The following TRMT10A variants were observed in gnomAD, a reference collection of about 807,000 sequenced individuals.
The protein encoded by TRMT10A is tRNA methyltransferase 10A, also known as tRNA methyltransferase 10 homolog A.
In TRMT10A, 37 loss-of-function variants were observed where a neutral mutation model predicts 40.4. The observed-to-expected ratio is 0.92, with a 90% CI of 0.71 to 1.21. The LOEUF (loss-of-function observed/expected upper bound fraction) is 1.21. TRMT10A is among the 50% of genes most tolerant of loss of function. The probability of loss-of-function intolerance (pLI) is 0.00; values close to 1 mark genes in which losing one functional copy is unlikely to be tolerated. For missense variants in TRMT10A, 388 were observed against 404.3 expected, an observed-to-expected ratio of 0.96 and a Z score of 0.35; for synonymous variants, 103 against 134.1, an observed-to-expected ratio of 0.77 and a Z score of 1.60.
At position 99,548,072 on chromosome 4, in the gene TRMT10A, TTCACACA is replaced by T. The variant is rs1290024190; in HGVS notation, c.*1009_*1015del. On this transcript the variant is annotated 3_prime_UTR_variant, in exon 8 of 8. Coordinates refer to ENST00000394876, the MANE Select transcript of TRMT10A (RefSeq NM_001134665.3). ...GTTCTTAGCGTGTTCAACACAACCA[TTCACACA>T]AGTAATACAGATATATGGCAATTCA... 6.6e-6 allele frequency: 1 copy of T among 152,124 alleles called. No individual in the cohort carries two copies. Among genetic ancestry groups the T allele is most frequent in the African/African-American group, 2.4e-5 (1 of 41,438 alleles). The allele number at this position is 152,124 out of a possible 1,614,324, so 9.4% of individuals were successfully genotyped here.
chr4:99,549,485 CT>C (rs1423626140), intron 7 of TRMT10A, 129 bp from the exon 8 acceptor site: 1 of 1,233,700 alleles, frequency 8.1e-7, no homozygotes, highest in African/African-American at 1.5e-5. Context: ...GTTCTTAGCT[CT>C]TCTTTCTATT....
At chr4:99,561,314 A>AC (rs1724384330) in intron 1 of TRMT10A, among the ~76,000 whole-genome samples, 1 of 152,122 alleles carries the variant, frequency 6.6e-6, no homozygotes, top group African/African-American at 2.4e-5. Flanking sequence ...GGTCATGTAC[A>AC]CCAGGGGGAG....
intron 6 of TRMT10A, among the ~76,000 whole-genome samples, 198 bp downstream of exon 6, chr4:99,553,587 T>C (rs1252312874): frequency 2.0e-5 from 3 of 152,172 alleles, no homozygotes; most frequent in Non-Finnish European, 1.5e-5. Flanking sequence ...TAAATAATAA[T>C]AGCACTAATC....
In TRMT10A at chr4:99,563,126, T is replaced by C. The variant is rs532433228; in HGVS notation, c.-24+787A>G. Among the ~76,000 whole-genome samples, 113 of 152,336 alleles carry C rather than the reference T, an allele frequency of 7.4e-4. 1 individual carries two copies. Among genetic ancestry groups the C allele is most frequent in the African/African-American group, 2.0e-3 (85 of 41,592 alleles). Reference sequence around the variant, plus strand: ...GTGAGTCACCGCGCCCGGCCAGGAATGCCCTTTTAAAAGACATGCGGACTA... The same window carrying C: ...GTGAGTCACCGCGCCCGGCCAGGAACGCCCTTTTAAAAGACATGCGGACTA... On this transcript the variant is annotated intron_variant, in intron 1 of 7. Transcript: ENST00000394876.
At chr4:99,557,607 TGTAA>T in intron 3 of TRMT10A, 191 bp from the exon 4 acceptor site, 1 of 506,520 alleles carries the variant, frequency 2.0e-6, no homozygotes, top group East Asian at 3.4e-5. Context: ...GTTAATGCTC[TGTAA>T]GTGACCCATT....
rs2110192486 is a variant in TRMT10A at position 99,559,137 on chromosome 4, C to T, written c.185+17G>A. 1.2e-6 allele frequency: 2 copies of T among 1,606,850 alleles called. No homozygotes were observed. The highest frequency in any genetic ancestry group is 1.7e-6 in the Non-Finnish European group (2 of 1,175,632). On this transcript the variant is annotated intron_variant, in intron 2 of 7. Coordinates refer to ENST00000394876, the MANE Select transcript of TRMT10A (RefSeq NM_001134665.3). ...TCTCTAAATAGGAAGAGAGCATATA[C>T]ATTTTGAAACACATACTTGCGGAGT...
At chr4:99,561,169 G>A (rs1174584174) in intron 1 of TRMT10A, among the ~76,000 whole-genome samples, 1 of 152,002 alleles carries the variant, frequency 6.6e-6, no homozygotes, top group Non-Finnish European at 1.5e-5. Context: ...GTTTCGCCAC[G>A]TTGGTCAGGC....
rs1014469139 is a variant in TRMT10A, at chr4:99,548,093, T to C, written c.*995A>G. 2 of 152,134 alleles carry C rather than the reference T, an allele frequency of 1.3e-5. No homozygotes were observed. Among genetic ancestry groups the C allele is most frequent in the African/African-American group, 4.8e-5 (2 of 41,436 alleles). 9.4% of individuals were successfully genotyped at this position (152,134 alleles called of 1,614,324 possible). On this transcript the variant is annotated 3_prime_UTR_variant, in exon 8 of 8. Coordinates refer to ENST00000394876, the MANE Select transcript of TRMT10A (RefSeq NM_001134665.3). ...ACCATTCACACAAGTAATACAGATATATGGCAATTCAATCATGTTATCATC... is the reference window on the plus strand; with the variant it reads ...ACCATTCACACAAGTAATACAGATACATGGCAATTCAATCATGTTATCATC...
At chr4:99,556,424 C>G (rs971186506) in intron 4 of TRMT10A, among the ~76,000 whole-genome samples, 1 of 152,206 alleles carries the variant, frequency 6.6e-6, no homozygotes, top group East Asian at 1.9e-4. Context: ...TGTTTCATAA[C>G]CCAGTAGCTG....
chr4:99,553,822 T>C lies in TRMT10A; in HGVS notation c.608A>G (p.Tyr203Cys), dbSNP rs202040531. ...ILKELDESKA[Y>C]VIGGLVDHNH... ...GTGATCTACTAATCCTCCAATCACA[T>C]AGGCCTTTGATTCATCTAATTCCTT... The change falls in exon 6 of 8, where the codon TAT (tyrosine) becomes TGT (cysteine). Residue 203 changes from tyrosine (Y) to cysteine (C), a missense_variant. Transcript: ENST00000394876. 18 of 1,613,188 alleles carry C rather than the reference T, an allele frequency of 1.1e-5. No homozygotes were observed. Among genetic ancestry groups the C allele is most frequent in the African/African-American group, 6.7e-5 (5 of 75,008 alleles).
intron 1 of TRMT10A, among the ~76,000 whole-genome samples, chr4:99,559,782 A>G (rs1560603777): frequency 6.6e-6 from 1 of 152,200 alleles, no homozygotes; most frequent in Non-Finnish European, 1.5e-5. Flanking sequence ...ATGTCAGTGA[A>G]AGGAAACTAA....
intron 5 of TRMT10A, among the ~76,000 whole-genome samples, chr4:99,554,665 G>A (rs1186760086): frequency 1.4e-5 from 2 of 140,534 alleles, no homozygotes; most frequent in Admixed American, 1.5e-4. Flanking sequence ...AGGTTGCAGT[G>A]AGCCGAGATT....
Position 99,558,219 on chromosome 4 carries a change from T to A in TRMT10A, c.186-8A>T. On this transcript the variant is annotated splice_polypyrimidine_tract_variant and splice_region_variant and intron_variant, in intron 2 of 7. Coordinates refer to ENST00000394876, the MANE Select transcript of TRMT10A (RefSeq NM_001134665.3). ...TTTTCTTTTCGCTTTTGTCTAAAAT[T>A]AGTAATTGAAATAACATTTTGTTAT... 1 of 1,586,242 alleles carries A rather than the reference T, an allele frequency of 6.3e-7. No individual in the cohort carries two copies. Among genetic ancestry groups the A allele is most frequent in the Non-Finnish European group, 8.5e-7 (1 of 1,169,782 alleles).
intron 2 of TRMT10A, among the ~76,000 whole-genome samples, chr4:99,558,555 AT>A (rs1241864588): frequency 6.6e-6 from 1 of 152,124 alleles, no homozygotes; most frequent in Non-Finnish European, 1.5e-5. Flanking sequence ...TACCTATATG[AT>A]TTTTAAGCCA....
In TRMT10A at chr4:99,563,908, C is replaced by A; in HGVS notation, c.-24+5G>T. On this transcript the variant is annotated splice_donor_5th_base_variant and intron_variant, in intron 1 of 7. Coordinates refer to ENST00000394876, the MANE Select transcript of TRMT10A (RefSeq NM_001134665.3). ...GGGAGCGCCAACCAGTGCCAGGACACTTACCGAGCTGAAGAGTTGACAGGG... is the reference window on the plus strand; with the variant it reads ...GGGAGCGCCAACCAGTGCCAGGACAATTACCGAGCTGAAGAGTTGACAGGG... 1 of 759,108 alleles carries A rather than the reference C, an allele frequency of 1.3e-6. No homozygotes were observed. The highest frequency in any genetic ancestry group is 2.3e-6 in the Non-Finnish European group (1 of 438,642). The allele number at this position is 759,108 out of a possible 1,614,324, so 47.0% of individuals were successfully genotyped here.
intron 3 of TRMT10A, 69 bp from the exon 4 acceptor site, chr4:99,557,485 G>C: frequency 7.2e-7 from 1 of 1,389,230 alleles, no homozygotes; most frequent in Non-Finnish European, 1.0e-6. Flanking sequence ...GATCTTAAAG[G>C]AATGGAATAA....
chr4:99,563,313 C>T (rs1724529505), intron 1 of TRMT10A: 1 of 152,620 alleles, frequency 6.6e-6, no homozygotes. Context: ...TAAAGTATTT[C>T]AGTGAAATCA....
intron 6 of TRMT10A, among the ~76,000 whole-genome samples, chr4:99,551,393 T>C (rs552108014): frequency 6.6e-6 from 1 of 152,304 alleles, no homozygotes; most frequent in South Asian, 2.1e-4. Flanking sequence ...TTTCAGGCAA[T>C]GACAGATTTC....
intron 1 of TRMT10A, among the ~76,000 whole-genome samples, chr4:99,562,517 T>TC (rs70958317): frequency 3.0e-4 from 24 of 79,760 alleles, no homozygotes; most frequent in East Asian, 2.2e-3. Flanking sequence ...AGGAATGCCT[T>TC]TTTTTTTTTT....
Sources: gnomAD v4.1 joint callset for allele counts (sites outside exome capture counted in the v4.1 genomes callset) on GRCh38, gnomAD v4.1.1 for gene constraint, MANE v1.5 for transcripts, NCBI Gene and HGNC (gene_info 2026-07-23, HGNC 2026-07-21) for gene names.